Variants in PREX2 observed in about 807,000 individuals in gnomAD.
PREX2 encodes phosphatidylinositol-3,4,5-trisphosphate dependent Rac exchange factor 2.
PREX2 carries 107 observed loss-of-function variants against 203.2 expected under a neutral mutation model. That is an observed-to-expected ratio of 0.53 (90% CI 0.45 to 0.62). PREX2 has a LOEUF of 0.62. Ranked by LOEUF, PREX2 falls within the 20% of genes least tolerant of loss-of-function variation. The pLI is 0.00. For synonymous variants in PREX2, 672 were observed against 663.6 expected (o/e 1.01, Z -0.19); for missense variants, 1,777 against 1,955.9 (o/e 0.91, Z 1.72).
chr8:68,151,246 C>G (rs1034469588), intron 34 of PREX2, among the ~76,000 whole-genome samples: 4 of 151,712 alleles, frequency 2.6e-5, no homozygotes, highest in African/African-American at 9.7e-5. Context: ...CATAGTGAGA[C>G]CTCATCTCTT....
In PREX2 at chr8:67,968,841, C is replaced by T. The variant is rs540805825; in HGVS notation, c.141+16306C>T. 1.0e-3 allele frequency among the ~76,000 whole-genome samples: 154 copies of T among 152,170 alleles called. 1 individual carries two copies. The highest frequency in any genetic ancestry group is 3.5e-3 in the African/African-American group (145 of 41,508). On this transcript the variant is annotated intron_variant, in intron 1 of 39. Transcript: ENST00000288368. The stretch of plus-strand genomic sequence containing the variant: ...AGACAATCAGCCTTAACCTAATAGC[C>T]GTTGTACCAAACTAACCCACAAGAA...
intron 22 of PREX2, 105 bp downstream of exon 22, chr8:68,097,306 C>A: frequency 2.3e-6 from 2 of 877,728 alleles, no homozygotes; most frequent in Non-Finnish European, 3.3e-6. Context: ...CATGTTGCAG[C>A]TGTCAGCTCA....
chr8:68,085,090 C>G (rs1809641045), intron 18 of PREX2, among the ~76,000 whole-genome samples: 1 of 152,190 alleles, frequency 6.6e-6, no homozygotes, highest in Non-Finnish European at 1.5e-5. Flanking sequence ...TCTTCCACTA[C>G]TTGCTAGCTA....
At chr8:68,081,257 G>A (rs1022726782) in intron 17 of PREX2, among the ~76,000 whole-genome samples, 7 of 152,094 alleles carry the variant, frequency 4.6e-5, no homozygotes, top group African/African-American at 1.2e-4. Context: ...AATTGGGTTC[G>A]CGCTCCTATG....
intron 1 of PREX2, among the ~76,000 whole-genome samples, chr8:68,016,171 G>T (rs552826043): frequency 6.6e-6 from 1 of 152,120 alleles, no homozygotes; most frequent in South Asian, 2.1e-4. Flanking sequence ...AGTGTACAAA[G>T]GTCAATTTCC....
chr8:68,063,569 C>T (rs1335489043), intron 11 of PREX2, among the ~76,000 whole-genome samples: 1 of 152,170 alleles, frequency 6.6e-6, no homozygotes, highest in Non-Finnish European at 1.5e-5. Context: ...CAACACAAGT[C>T]ACTATATTAG....
intron 35 of PREX2, among the ~76,000 whole-genome samples, chr8:68,186,777 G>C (rs1046063974): frequency 6.6e-5 from 10 of 152,182 alleles, no homozygotes; most frequent in African/African-American, 2.4e-4. Flanking sequence ...CTCCCAAAGT[G>C]CTGGGATTAC....
intron 1 of PREX2, among the ~76,000 whole-genome samples, chr8:67,964,374 G>A (rs1001112993): frequency 2.0e-5 from 3 of 152,142 alleles, no homozygotes; most frequent in African/African-American, 7.2e-5. Flanking sequence ...TAATGACATG[G>A]GAATAAATAT....
At chr8:68,038,323 G>A in intron 7 of PREX2, 31 bp downstream of exon 7, 3 of 1,609,290 alleles carry the variant, frequency 1.9e-6, no homozygotes, top group Non-Finnish European at 2.5e-6. Flanking sequence ...CACTTCAGAA[G>A]TGGTCACAGT....
At chr8:68,050,462 C>T (rs546989817) in intron 8 of PREX2, among the ~76,000 whole-genome samples, 4 of 152,038 alleles carry the variant, frequency 2.6e-5, no homozygotes, top group East Asian at 1.9e-4. Flanking sequence ...CCAGATCTCA[C>T]GATAACTCAC....
At chr8:68,180,103 A>G (rs1049230503) in intron 35 of PREX2, among the ~76,000 whole-genome samples, 4 of 151,894 alleles carry the variant, frequency 2.6e-5, no homozygotes, top group South Asian at 2.1e-4. Flanking sequence ...TGCTATTTCT[A>G]TTGTTCATAC....
chr8:67,973,108 C>T (rs1490131321), intron 1 of PREX2, among the ~76,000 whole-genome samples: 1 of 152,144 alleles, frequency 6.6e-6, no homozygotes, highest in Non-Finnish European at 1.5e-5. Context: ...ACTAGATATA[C>T]CCCTTTCTCC....
In PREX2 at chr8:68,019,688, T is replaced by A. The variant is rs756569326; in HGVS notation, c.336+17T>A. ...CTTCACTTTGTAGGATAAATTTCTT[T>A]TTATTTTAAAAGTTCTTTTCCCCTA... is the stretch of plus-strand genomic sequence containing the variant. On this transcript the variant is annotated intron_variant, in intron 3 of 39. Transcript: ENST00000288368. 6 of 1,594,186 alleles carry A rather than the reference T, an allele frequency of 3.8e-6. No homozygotes were observed. Among genetic ancestry groups the A allele is most frequent in the Non-Finnish European group, 3.4e-6 (4 of 1,174,572 alleles).
At chr8:68,224,795 GCT>G (rs934415537) in intron 39 of PREX2, among the ~76,000 whole-genome samples, 169 bp downstream of exon 39, 5 of 151,930 alleles carry the variant, frequency 3.3e-5, no homozygotes, top group Admixed American at 1.3e-4. Context: ...ACACATAAAT[GCT>G]CTCAGAAATA....
intron 37 of PREX2, among the ~76,000 whole-genome samples, chr8:68,194,786 G>A (rs965235946): frequency 7.7e-6 from 1 of 130,586 alleles, no homozygotes; most frequent in Non-Finnish European, 1.6e-5. Flanking sequence ...GGGCAACAGA[G>A]CGAGACTGTG....
chr8:68,011,775 C>A (rs1807271051), intron 1 of PREX2, among the ~76,000 whole-genome samples: 1 of 152,020 alleles, frequency 6.6e-6, no homozygotes, highest in African/African-American at 2.4e-5. Context: ...AGCTAAATAT[C>A]CTGTTAAAAT....
In PREX2 at chr8:68,030,572, G is replaced by A. The variant is rs1420098828; in HGVS notation, c.619G>A (p.Val207Ile). 1.2e-6 allele frequency: 2 copies of A among 1,613,748 alleles called. No individual in the cohort carries two copies. ...GGAAGCCCTCCAAGCCATGAAAGCT[G>A]TCTGTTCCAACATAAACGAGGCCAA... ...VMEALQAMKAVCSNINEAKRQ... is the reference protein window; with the variant it reads ...VMEALQAMKAICSNINEAKRQ... The change falls in exon 6 of 40, where the codon GTC becomes ATC. Residue 207 changes from valine to isoleucine, a missense_variant. Val to Ile is a conservative substitution (Grantham distance 29). Transcript: ENST00000288368.
chr8:68,025,105 T>C lies in PREX2; in HGVS notation c.442-2117T>C, dbSNP rs142459226. Among the ~76,000 whole-genome samples the C allele has an allele frequency of 9.5e-4, 145 of 152,222 alleles. 1 individual carries two copies. Among genetic ancestry groups the C allele is most frequent in the African/African-American group, 3.2e-3 (135 of 41,558 alleles). The stretch of plus-strand genomic sequence containing the variant: ...CATCTCTGGTGCTCTTATTTCTTCC[T>C]GTGTATTTGACTCTGATATTAGGTT... On this transcript the variant is annotated intron_variant, in intron 4 of 39. Transcript: ENST00000288368.
chr8:68,204,971 A>G lies in PREX2; in HGVS notation c.4604+12446A>G, dbSNP rs532784939. Among the ~76,000 whole-genome samples, 279 of 151,256 alleles carry G rather than the reference A, an allele frequency of 1.8e-3. 1 individual carries two copies. The highest frequency in any genetic ancestry group is 5.2e-3 in the African/African-American group (215 of 41,314). ...GCTGGGATTACAGGCATGAGCCACC[A>G]CGCCCGGCCCCCTCTGCTTTCTTTT... On this transcript the variant is annotated intron_variant, in intron 37 of 39. Transcript: ENST00000288368.
Sources: allele counts gnomAD v4.1 joint callset (sites outside exome capture counted in the v4.1 genomes callset), GRCh38; gene constraint gnomAD v4.1.1; transcripts MANE v1.5; gene names NCBI Gene and HGNC (gene_info 2026-07-23, HGNC 2026-07-21).